TBC1D32: variants seen among roughly 807,000 people sequenced by gnomAD.
TBC1D32 encodes the protein TBC1 domain family member 32.
Under a neutral mutation model 170.3 loss-of-function variants are expected in TBC1D32, and 151 were observed. The observed-to-expected ratio is 0.89, with a 90% CI of 0.78 to 1.01. The LOEUF is 1.01. Among genes scored for constraint, TBC1D32 ranks in the 50% least tolerant of loss-of-function variants. TBC1D32 has a pLI of 0.00. For missense variants in TBC1D32, 1,464 were observed against 1,457.1 expected, an observed-to-expected ratio of 1.00 and a Z score of -0.08; for synonymous variants, 498 against 488.0, an observed-to-expected ratio of 1.02 and a Z score of -0.27.
intron 22 of TBC1D32, chr6:121,170,317 A>T (rs1178156867): frequency 3.1e-6 from 4 of 1,290,262 alleles, no homozygotes; most frequent in Non-Finnish European, 4.1e-6. Flanking sequence ...GCAGAAAAAC[A>T]TTAAACAAGC....
At chr6:121,265,378 G>T (rs1316036619) in intron 15 of TBC1D32, among the ~76,000 whole-genome samples, 2 of 152,024 alleles carry the variant, frequency 1.3e-5, no homozygotes, top group African/African-American at 4.8e-5. Context: ...TCTTCAAAGT[G>T]AACTATAAGC....
At chr6:121,223,885 T>A (rs1794789496) in intron 20 of TBC1D32, among the ~76,000 whole-genome samples, 1 of 152,156 alleles carries the variant, frequency 6.6e-6, no homozygotes, top group Non-Finnish European at 1.5e-5. Context: ...ATTTTACCAA[T>A]CTCTCCATGA....
At chr6:121,308,765 G>A (rs758277693) in intron 4 of TBC1D32, among the ~76,000 whole-genome samples, 2 of 132,166 alleles carry the variant, frequency 1.5e-5, no homozygotes, top group Non-Finnish European at 3.0e-5. Flanking sequence ...GCGCAATCTC[G>A]GCTCGCTGCA....
intron 1 of TBC1D32, among the ~76,000 whole-genome samples, chr6:121,327,324 A>G (rs546929965): frequency 6.8e-4 from 104 of 152,318 alleles, no homozygotes; most frequent in South Asian, 3.9e-3. Context: ...CAGTTCTACA[A>G]AATTAAGTAC....
chr6:121,208,118 A>C (rs1792529988), intron 21 of TBC1D32, among the ~76,000 whole-genome samples: 1 of 152,114 alleles, frequency 6.6e-6, no homozygotes, highest in Admixed American at 6.6e-5. Flanking sequence ...CAAAAAAAAA[A>C]AAAGATATGT....
intron 10 of TBC1D32, among the ~76,000 whole-genome samples, chr6:121,298,341 A>G (rs1805962190): frequency 6.6e-6 from 1 of 152,058 alleles, no homozygotes; most frequent in Non-Finnish European, 1.5e-5. Flanking sequence ...GGTATAGTTA[A>G]CTTTTCAAAT....
chr6:121,295,535 T>C (rs957813943), intron 10 of TBC1D32, among the ~76,000 whole-genome samples: 3 of 152,010 alleles, frequency 2.0e-5, no homozygotes, highest in South Asian at 2.1e-4. Flanking sequence ...AGAGTCAAGA[T>C]TAAACTCTTT....
chr6:121,091,400 T>C (rs1244738571), intron 30 of TBC1D32, among the ~76,000 whole-genome samples: 1 of 150,562 alleles, frequency 6.6e-6, no homozygotes, highest in Non-Finnish European at 1.5e-5. Flanking sequence ...AGATGGGAGT[T>C]TTTTTTTTCT....
chr6:121,331,985 G>T (rs1229030228), intron 1 of TBC1D32, among the ~76,000 whole-genome samples: 1 of 152,070 alleles, frequency 6.6e-6, no homozygotes, highest in Non-Finnish European at 1.5e-5. Flanking sequence ...AGTCTCTCTG[G>T]ATTGTTTTTT....
intron 30 of TBC1D32, among the ~76,000 whole-genome samples, chr6:121,103,999 G>A (rs1043116885): frequency 5.3e-5 from 8 of 151,798 alleles, no homozygotes; most frequent in Non-Finnish European, 1.0e-4. Flanking sequence ...ATTGGCCAAG[G>A]AAGAGTATTC....
chr6:121,103,551 A>G (rs1778368401), intron 30 of TBC1D32, among the ~76,000 whole-genome samples: 1 of 126,052 alleles, frequency 7.9e-6, no homozygotes, highest in South Asian at 2.7e-4. Flanking sequence ...ACATAGACAC[A>G]GGAAGGGGAA....
chr6:121,246,727 C>T (rs1013455316), intron 17 of TBC1D32, among the ~76,000 whole-genome samples: 4 of 151,164 alleles, frequency 2.6e-5, no homozygotes, highest in Non-Finnish European at 4.4e-5. Flanking sequence ...CACACTGGGA[C>T]ATAAAAAATA....
rs533290561 is a variant in TBC1D32, at chr6:121,108,020, C to A, written c.3325-1857G>T. Among the ~76,000 whole-genome samples the A allele has an allele frequency of 2.0e-5, 3 of 152,184 alleles. No individual in the cohort carries two copies. The South Asian group carries it at 6.2e-4, about 31-fold the overall frequency. On this transcript the variant is annotated intron_variant, in intron 29 of 31. Coordinates refer to ENST00000398212, the MANE Select transcript of TBC1D32 (RefSeq NM_152730.6). ...TGGTAACACAGCTCCTGATACCAAGCCTTGCATAGAATAGATGCTCAACAT... is the reference window on the plus strand; with the variant it reads ...TGGTAACACAGCTCCTGATACCAAGACTTGCATAGAATAGATGCTCAACAT...
chr6:121,119,434 A>G (rs884045), intron 26 of TBC1D32, among the ~76,000 whole-genome samples: 41,299 of 151,998 alleles, frequency 0.27, 8,539 homozygotes, highest in African/African-American at 0.57. Context: ...GTGTTTAAGA[A>G]TATTTAATTA....
chr6:121,257,083 T>C (rs1209291264), intron 15 of TBC1D32, among the ~76,000 whole-genome samples: 1 of 152,198 alleles, frequency 6.6e-6, no homozygotes, highest in Non-Finnish European at 1.5e-5. Flanking sequence ...CTAATATTTT[T>C]CCCTATGCCA....
At chr6:121,126,242 T>C in intron 26 of TBC1D32, 136 bp downstream of exon 26, 1 of 561,336 alleles carries the variant, frequency 1.8e-6, no homozygotes, top group Non-Finnish European at 3.1e-6. Context: ...CTTAATGATA[T>C]CTGGAATGTA....
At chr6:121,112,414 GT>G (rs758347072) in intron 29 of TBC1D32, 90 bp downstream of exon 29, 45 of 1,161,140 alleles carry the variant, frequency 3.9e-5, no homozygotes, top group Non-Finnish European at 5.1e-5. Flanking sequence ...TTATTACAAA[GT>G]CCTTCACAAA....
intron 24 of TBC1D32, among the ~76,000 whole-genome samples, chr6:121,134,749 G>C (rs189176882): frequency 1.0e-3 from 153 of 152,134 alleles, no homozygotes; most frequent in African/African-American, 3.5e-3. Context: ...AGTTTGAGGG[G>C]AACAATAAAT....
chr6:121,126,112 A>G (rs575659672), intron 26 of TBC1D32, among the ~76,000 whole-genome samples: 1 of 152,374 alleles, frequency 6.6e-6, no homozygotes, highest in South Asian at 2.1e-4. Flanking sequence ...TGATAGAATC[A>G]GAAGAATAGA....
Sources: allele counts gnomAD v4.1 joint callset (sites outside exome capture counted in the v4.1 genomes callset), GRCh38; gene constraint gnomAD v4.1.1; transcripts MANE v1.5; gene names NCBI Gene and HGNC (gene_info 2026-07-23, HGNC 2026-07-21).